Variants in TECPR2 observed in about 807,000 individuals in gnomAD.
TECPR2 encodes tectonin beta-propeller repeat containing 2, also known as tectonin beta-propeller repeat-containing protein 2.
A neutral mutation model predicts 138.1 loss-of-function variants in TECPR2; 65 were observed. The observed-to-expected ratio is 0.47, with a 90% CI of 0.39 to 0.58. TECPR2 has a LOEUF of 0.58. Among genes scored for constraint, TECPR2 ranks in the 20% least tolerant of loss-of-function variants. The pLI is 0.00. For synonymous variants in TECPR2, 746 were observed against 749.8 expected (o/e 0.99, Z 0.08); for missense variants, 1,553 against 1,824.5 (o/e 0.85, Z 2.71).
At chr14:102,469,245 C>A (rs1297166311) in intron 17 of TECPR2, among the ~76,000 whole-genome samples, 1 of 152,140 alleles carries the variant, frequency 6.6e-6, no homozygotes, top group African/African-American at 2.4e-5. Context: ...ATCTTCTTTA[C>A]TTTCCTTCAC....
chr14:102,372,913 C>CA lies in TECPR2; in HGVS notation c.-72-3727dup, dbSNP rs796185298. 2.3e-3 allele frequency among the ~76,000 whole-genome samples: 324 copies of CA among 143,306 alleles called. 3 individuals carry two copies. Among genetic ancestry groups the CA allele is most frequent in the African/African-American group, 5.8e-3 (225 of 39,012 alleles). The allele number at this position is 143,306 out of a possible 152,430, so 94.0% of individuals were successfully genotyped here. ...CCAGCATGGGCGACGGAGCAAGTCTCAAAAAAAAAAGCAACTTTTTGATAG... is the reference window on the plus strand; with the variant it reads ...CCAGCATGGGCGACGGAGCAAGTCTCAAAAAAAAAAAGCAACTTTTTGATAG... On this transcript the variant is annotated intron_variant, in intron 1 of 19. Coordinates refer to ENST00000359520, the MANE Select transcript of TECPR2 (RefSeq NM_014844.5).
intron 8 of TECPR2, 93 bp from the exon 9 acceptor site, chr14:102,434,142 T>C: frequency 1.2e-5 from 15 of 1,223,228 alleles, no homozygotes; most frequent in Non-Finnish European, 1.6e-5. Flanking sequence ...TATTTAAAAT[T>C]TTTTTTCTTG....
chr14:102,404,095 G>A (rs1452910057), intron 2 of TECPR2, among the ~76,000 whole-genome samples: 2 of 151,078 alleles, frequency 1.3e-5, no homozygotes, highest in Non-Finnish European at 2.9e-5. Context: ...GTAGAGATGG[G>A]GTCTCACTAT....
chr14:102,462,981 A>G (rs925514437), intron 16 of TECPR2, among the ~76,000 whole-genome samples: 10 of 152,208 alleles, frequency 6.6e-5, no homozygotes, highest in Non-Finnish European at 1.5e-4. Context: ...CAGGAAATAC[A>G]AATTAAAGCC....
intron 17 of TECPR2, among the ~76,000 whole-genome samples, chr14:102,481,021 T>G: frequency 6.7e-6 from 1 of 150,332 alleles, no homozygotes; most frequent in South Asian, 2.1e-4. Flanking sequence ...ATTTTTTTTT[T>G]TTTTTTTTGA....
At chr14:102,449,930 A>G (rs982650715) in intron 14 of TECPR2, 61 bp downstream of exon 14, 2 of 1,585,426 alleles carry the variant, frequency 1.3e-6, no homozygotes, top group East Asian at 2.2e-5. Flanking sequence ...TAAAGCCAAC[A>G]TTTAAAGAAA....
At chr14:102,392,124 G>T (rs1405333511) in intron 2 of TECPR2, among the ~76,000 whole-genome samples, 1 of 152,092 alleles carries the variant, frequency 6.6e-6, no homozygotes, top group Non-Finnish European at 1.5e-5. Context: ...AAGTAGCAGG[G>T]ATTACAGGTG....
chr14:102,363,209 T>G, intron 1 of TECPR2, 93 bp downstream of exon 1: 1 of 248,196 alleles, frequency 4.0e-6, no homozygotes, highest in East Asian at 8.1e-5. Flanking sequence ...GGGCCACTCT[T>G]CCCTTGCCTC....
intron 12 of TECPR2, 123 bp from the exon 13 acceptor site, chr14:102,445,683 G>A (rs577130278): frequency 6.4e-4 from 824 of 1,280,230 alleles, no homozygotes; most frequent in Non-Finnish European, 8.1e-4. Flanking sequence ...CTGCTGATCC[G>A]CTCCAGGGCC....
intron 16 of TECPR2, among the ~76,000 whole-genome samples, chr14:102,460,697 A>AT (rs552167034): frequency 0.71 from 98,883 of 140,186 alleles, 35,476 homozygotes; most frequent in African/African-American, 0.84. Flanking sequence ...TCTACCTTTA[A>AT]TTTTTTTTTT....
chr14:102,481,306 A>C (rs985364822), intron 17 of TECPR2, among the ~76,000 whole-genome samples: 1 of 151,576 alleles, frequency 6.6e-6, no homozygotes, highest in South Asian at 2.1e-4. Flanking sequence ...GCCCAGCCAC[A>C]CCCAGCTAAT....
intron 4 of TECPR2, among the ~76,000 whole-genome samples, chr14:102,413,376 T>A (rs1376882188): frequency 6.7e-6 from 1 of 149,234 alleles, no homozygotes; most frequent in African/African-American, 2.4e-5. Flanking sequence ...ATATATATAA[T>A]GTATATATAT....
At chr14:102,458,367 C>T (rs1890323593) in intron 16 of TECPR2, among the ~76,000 whole-genome samples, 1 of 152,180 alleles carries the variant, frequency 6.6e-6, no homozygotes, top group African/African-American at 2.4e-5. Context: ...GTGCCCACCT[C>T]CCACCACGGC....
intron 10 of TECPR2, 88 bp downstream of exon 10, chr14:102,438,293 G>C (rs1889736292): frequency 6.9e-7 from 1 of 1,458,018 alleles, no homozygotes; most frequent in Non-Finnish European, 9.1e-7. Context: ...CTTAGTACAG[G>C]GCTCCCCTGC....
chr14:102,466,965 G>A (rs567100052), intron 17 of TECPR2, among the ~76,000 whole-genome samples: 21 of 152,114 alleles, frequency 1.4e-4, no homozygotes, highest in South Asian at 1.0e-3. Context: ...ATCATGTTTC[G>A]GAGTTCATCC....
At chr14:102,369,246 C>T (rs1468642979) in intron 1 of TECPR2, among the ~76,000 whole-genome samples, 1 of 152,234 alleles carries the variant, frequency 6.6e-6, no homozygotes, top group Non-Finnish European at 1.5e-5. Context: ...TCTAGCTAGA[C>T]TGCAGTCTCA....
chr14:102,498,287 C>T lies in TECPR2; in HGVS notation c.*30C>T. On this transcript the variant is annotated 3_prime_UTR_variant, in exon 20 of 20. Transcript: ENST00000359520. The stretch of plus-strand genomic sequence containing the variant: ...GCCCTGGCCGAGTCACGCGGAGGGG[C>T]CCGGCGTCTGTGGCGGGCACAGGGG... The T allele has an allele frequency of 3.2e-6, 5 of 1,584,604 alleles. No homozygotes were observed. Among genetic ancestry groups the T allele is most frequent in the Non-Finnish European group, 4.3e-6 (5 of 1,173,314 alleles).
At chr14:102,448,680 A>C (rs1424430346) in intron 13 of TECPR2, among the ~76,000 whole-genome samples, 1 of 152,060 alleles carries the variant, frequency 6.6e-6, no homozygotes, top group Non-Finnish European at 1.5e-5. Flanking sequence ...AGCCTGGCCA[A>C]CATGGTGAAA....
Position 102,405,711 on chromosome 14 carries a change from G to A in TECPR2, c.220-1627G>A, listed in dbSNP as rs552950317. Among the ~76,000 whole-genome samples, 4 of 152,316 alleles carry A rather than the reference G, an allele frequency of 2.6e-5. No homozygotes were observed. The East Asian group carries it at 5.8e-4, about 22-fold the overall frequency. Reference sequence around the variant, plus strand: ...AGATAATTGAAAGCAGTATCTCAAAGAGATGTTTGTACACTCATATTCATA... The same window carrying A: ...AGATAATTGAAAGCAGTATCTCAAAAAGATGTTTGTACACTCATATTCATA... On this transcript the variant is annotated intron_variant, in intron 2 of 19. Transcript: ENST00000359520.
Sources: allele counts gnomAD v4.1 joint callset (sites outside exome capture counted in the v4.1 genomes callset), GRCh38; gene constraint gnomAD v4.1.1; transcripts MANE v1.5; gene names NCBI Gene and HGNC (gene_info 2026-07-23, HGNC 2026-07-21).